Variants in ROS1 observed in about 807,000 individuals in gnomAD.
The protein encoded by ROS1 is ROS proto-oncogene 1, receptor tyrosine kinase.
A neutral mutation model predicts 273.5 loss-of-function variants in ROS1; 263 were observed. The ratio of observed to expected loss-of-function variants is 0.96; its 90% CI spans 0.87 to 1.06. The LOEUF (loss-of-function observed/expected upper bound fraction) is 1.06, where lower values mean the gene tolerates loss of function less well. Among genes scored for constraint, ROS1 ranks in the 50% least tolerant of loss-of-function variants. ROS1 has a pLI of 0.00. For missense variants in ROS1, 2,833 were observed against 2,751.1 expected (o/e 1.03, Z -0.67); for synonymous variants, 1,008 against 954.1 (o/e 1.06, Z -1.04).
At chr6:117,351,905 A>C (rs886912446) in intron 27 of ROS1, among the ~76,000 whole-genome samples, 1 of 152,238 alleles carries the variant, frequency 6.6e-6, no homozygotes, top group Admixed American at 6.5e-5. Context: ...GGCTTTATTT[A>C]TAAATTTTAA....
chr6:117,368,555 C>T (rs995271695), intron 18 of ROS1, among the ~76,000 whole-genome samples: 1 of 152,134 alleles, frequency 6.6e-6, no homozygotes, highest in Non-Finnish European at 1.5e-5. Flanking sequence ...GCAGCAGCAA[C>T]TAGCTACATG....
In ROS1 at chr6:117,385,849, T is replaced by C. The variant is rs779059461; in HGVS notation, c.2123A>G (p.Tyr708Cys). 11 of 1,613,884 alleles carry C rather than the reference T, an allele frequency of 6.8e-6. No homozygotes were observed. The highest frequency in any genetic ancestry group is 5.3e-5 in the African/African-American group (4 of 74,942). The change falls in exon 16 of 44, where the codon TAT becomes TGT. Residue 708 changes from tyrosine to cysteine, a missense_variant. Transcript: ENST00000368507. The part of the protein sequence containing the change: ...DIGNVSDMDW[Y>C]NNSLYYSDTK... Reference sequence around the variant, plus strand: ...GTCACTGTAGTAGAGGCTGTTGTTATACCAATCCATGTCTCAAAATAAAGT... The same window carrying C: ...GTCACTGTAGTAGAGGCTGTTGTTACACCAATCCATGTCTCAAAATAAAGT...
At chr6:117,406,759 T>A (rs765515) in intron 5 of ROS1, among the ~76,000 whole-genome samples, 9,021 of 152,082 alleles carry the variant, frequency 0.059, 323 homozygotes, top group Middle Eastern at 0.092. Flanking sequence ...TGGTATCTAA[T>A]AATTTGGTAG....
chr6:117,366,283 C>A lies in ROS1; in HGVS notation c.2590G>T (p.Asp864Tyr). ...TAVLRGQSTGDTTITEFAAWS... is the reference protein window; with the variant it reads ...TAVLRGQSTGYTTITEFAAWS... ...GCTGCAAATTCTGTGATGGTGGTAT[C>A]CCCAGTGCTGCTAAAACATAACACC... Residue 864 changes from aspartate to tyrosine, a missense_variant, in exon 19 of 44, where the codon GAT becomes TAT. Transcript: ENST00000368507. The A allele has an allele frequency of 1.2e-6, 2 of 1,613,358 alleles. No homozygotes were observed. Among genetic ancestry groups the A allele is most frequent in the South Asian group, 1.1e-5 (1 of 91,056 alleles).
chr6:117,312,115 C>T (rs1347127171), intron 39 of ROS1, among the ~76,000 whole-genome samples: 2 of 152,116 alleles, frequency 1.3e-5, no homozygotes, highest in Non-Finnish European at 2.9e-5. Context: ...TCAATCTGTG[C>T]TTCCGTTACA....
rs751581315 is a variant in ROS1, at chr6:117,357,968, T to G, written c.3675A>C (p.Thr1225=). ...AGAGGTGCCTTGAAATCCAGTCAAT[T>G]GTAATAACTGTGATATCAAAAACCA... is the stretch of plus-strand genomic sequence containing the variant. ...DSLVFDITVI[T]IDWISRHLYF... is the part of the protein sequence containing the mutation. Residue 1225 remains threonine, a synonymous_variant, in exon 25 of 44, where the codon ACA becomes ACC. Transcript: ENST00000368507. 2.5e-6 allele frequency: 4 copies of G among 1,613,710 alleles called. No individual in the cohort carries two copies. Among genetic ancestry groups the G allele is most frequent in the Admixed American group, 1.7e-5 (1 of 60,006 alleles).
intron 12 of ROS1, among the ~76,000 whole-genome samples, chr6:117,391,688 A>G (rs941433122): frequency 6.6e-6 from 1 of 152,180 alleles, no homozygotes; most frequent in Non-Finnish European, 1.5e-5. Context: ...TGGTATAGAG[A>G]GATGGTTAGA....
chr6:117,312,992 A>G (rs573886), intron 39 of ROS1, among the ~76,000 whole-genome samples: 14,510 of 152,078 alleles, frequency 0.095, 879 homozygotes, highest in Middle Eastern at 0.14. Flanking sequence ...GGGCTTCTGC[A>G]GTATATTCTC....
chr6:117,369,861 G>A (rs1780612708), intron 18 of ROS1, among the ~76,000 whole-genome samples: 2 of 151,954 alleles, frequency 1.3e-5, no homozygotes, highest in Admixed American at 6.6e-5. Context: ...GTGTGTGTGT[G>A]TATATATATG....
chr6:117,385,576 C>T, intron 16 of ROS1, 107 bp downstream of exon 16: 1 of 909,880 alleles, frequency 1.1e-6, no homozygotes, highest in African/African-American at 1.7e-5. Context: ...TAAATAATAG[C>T]ATAAGTGGTG....
intron 32 of ROS1, among the ~76,000 whole-genome samples, chr6:117,332,334 G>C (rs185860965): frequency 2.0e-5 from 3 of 152,284 alleles, no homozygotes; most frequent in Non-Finnish European, 4.4e-5. Flanking sequence ...AGAGCACCCA[G>C]ACTCACAAAG....
chr6:117,421,652 T>A (rs1329160317), intron 1 of ROS1, among the ~76,000 whole-genome samples: 1 of 152,216 alleles, frequency 6.6e-6, no homozygotes, highest in Non-Finnish European at 1.5e-5. Context: ...CATTTTTTTA[T>A]CCACTCATCA....
chr6:117,301,915 C>T (rs1466899115), intron 42 of ROS1, among the ~76,000 whole-genome samples: 3 of 152,130 alleles, frequency 2.0e-5, no homozygotes. Flanking sequence ...AATGGTTGTC[C>T]AAGAAATATC....
intron 33 of ROS1, among the ~76,000 whole-genome samples, chr6:117,328,198 A>T (rs1776787029): frequency 6.6e-6 from 1 of 152,160 alleles, no homozygotes; most frequent in Non-Finnish European, 1.5e-5. Flanking sequence ...TGACTGAAGG[A>T]CTTATTTTGA....
intron 3 of ROS1, among the ~76,000 whole-genome samples, 170 bp from the exon 4 acceptor site, chr6:117,414,715 ACACTGTATAAGCAG>A (rs1292800166): frequency 9.8e-5 from 15 of 152,358 alleles, no homozygotes; most frequent in African/African-American, 3.1e-4. Context: ...TCTAGGCAGG[ACACTGTATAAGCAG>A]CTCTAAAAAT....
At position 117,379,156 on chromosome 6, in the gene ROS1, T is replaced by C. The variant is rs769788471; in HGVS notation, c.2485A>G (p.Ile829Val). 3 of 1,601,730 alleles carry C rather than the reference T, an allele frequency of 1.9e-6. No homozygotes were observed. The highest frequency in any genetic ancestry group is 1.1e-5 in the South Asian group (1 of 90,442). Reference protein sequence around the residue: ...TQPWFSGKKVIALTLDLSDGL... With the variant: ...TQPWFSGKKVVALTLDLSDGL... Reference sequence around the variant, plus strand: ...TCACTGAGGTCTAAAGTTAGAGCAATTACCTAAGTAGAAAGTAAGGTAAGA... The same window carrying C: ...TCACTGAGGTCTAAAGTTAGAGCAACTACCTAAGTAGAAAGTAAGGTAAGA... Residue 829 changes from isoleucine (I) to valine (V), a missense_variant, in exon 18 of 44, where the codon ATT (isoleucine) becomes GTT (valine). Coordinates refer to ENST00000368507, the MANE Select transcript of ROS1 (RefSeq NM_001378902.1).
chr6:117,394,767 G>A (rs763767397), intron 9 of ROS1, 29 bp from the exon 10 acceptor site: 1 of 1,590,724 alleles, frequency 6.3e-7, no homozygotes. Flanking sequence ...TTTGCAGACA[G>A]GTAGACCAAC....
At chr6:117,297,938 C>G (rs991894230) in intron 43 of ROS1, among the ~76,000 whole-genome samples, 1 of 152,134 alleles carries the variant, frequency 6.6e-6, no homozygotes, top group Non-Finnish European at 1.5e-5. Context: ...TATCACAGTA[C>G]TACTCATAAT....
intron 18 of ROS1, among the ~76,000 whole-genome samples, chr6:117,377,268 G>A (rs138661228): frequency 3.3e-5 from 5 of 152,110 alleles, no homozygotes; most frequent in African/African-American, 9.6e-5. Context: ...CCATCACCAC[G>A]CTCAGCTAGT....
Sources: allele counts gnomAD v4.1 joint callset (sites outside exome capture counted in the v4.1 genomes callset), GRCh38; gene constraint gnomAD v4.1.1; transcripts MANE v1.5; gene names NCBI Gene and HGNC (gene_info 2026-07-23, HGNC 2026-07-21).